Variants in TEX2 observed in about 807,000 individuals in gnomAD.
TEX2 encodes testis-expressed protein 2.
TEX2 carries 53 observed loss-of-function variants against 106.9 expected under a neutral mutation model. The observed-to-expected ratio is 0.50, with a 90% CI of 0.40 to 0.62. The LOEUF is 0.62. Ranked by LOEUF, TEX2 falls within the 20% of genes least tolerant of loss-of-function variation. The pLI, the probability that TEX2 is intolerant of heterozygous loss-of-function variation, is 0.00. For synonymous variants in TEX2, 523 were observed against 534.8 expected, an observed-to-expected ratio of 0.98 and a Z score of 0.30; for missense variants, 1,207 against 1,379.0, an observed-to-expected ratio of 0.88 and a Z score of 1.98.
intron 2 of TEX2, among the ~76,000 whole-genome samples, chr17:64,204,209 C>A (rs2032759404): frequency 6.6e-6 from 1 of 152,176 alleles, no homozygotes; most frequent in Admixed American, 6.5e-5. Flanking sequence ...ATATACTTTA[C>A]TTATAATTTA....
intron 1 of TEX2, among the ~76,000 whole-genome samples, chr17:64,245,983 G>T (rs1555636242): frequency 1.3e-5 from 2 of 152,186 alleles, no homozygotes; most frequent in Non-Finnish European, 2.9e-5. Context: ...AAGAGATCCG[G>T]TTTCTTAAGC....
intron 1 of TEX2, among the ~76,000 whole-genome samples, chr17:64,222,461 T>C (rs1432212152): frequency 6.9e-6 from 1 of 145,358 alleles, no homozygotes; most frequent in Non-Finnish European, 1.5e-5. Flanking sequence ...GAGGTTGCAG[T>C]GAGCTGAGAT....
In TEX2 at chr17:64,195,930, T is replaced by C. The variant is rs1389197815; in HGVS notation, c.1645-835A>G. Among the ~76,000 whole-genome samples, 1 of 152,236 alleles carries C rather than the reference T, an allele frequency of 6.6e-6. No individual in the cohort carries two copies. The highest frequency in any genetic ancestry group is 1.9e-4 in the East Asian group (1 of 5,200). On this transcript the variant is annotated intron_variant, in intron 2 of 11. Coordinates refer to ENST00000584379, the MANE Select transcript of TEX2 (RefSeq NM_001288732.2). The surrounding 1 kb of genome is among the most constrained non-coding windows in gnomAD (Gnocchi z 4.1). ...TTTCAGGTTATGAGTAGCCCAGATCTCACAAAAGAAGTCCTCTGGGGAGTT... is the reference window on the plus strand; with the variant it reads ...TTTCAGGTTATGAGTAGCCCAGATCCCACAAAAGAAGTCCTCTGGGGAGTT...
chr17:64,182,298 T>C, intron 5 of TEX2, among the ~76,000 whole-genome samples: 1 of 152,102 alleles, frequency 6.6e-6, no homozygotes, highest in Non-Finnish European at 1.5e-5. Flanking sequence ...AGACAGGGAA[T>C]GGTGGTTGCC....
At chr17:64,207,730 CT>C (rs544714813) in intron 2 of TEX2, among the ~76,000 whole-genome samples, 14 of 148,064 alleles carry the variant, frequency 9.5e-5, no homozygotes, top group Non-Finnish European at 1.5e-4. Context: ...TAGTATTTGC[CT>C]TTTTTTTTTC....
intron 1 of TEX2, among the ~76,000 whole-genome samples, chr17:64,258,188 A>T (rs1363672154): frequency 1.3e-5 from 2 of 152,216 alleles, no homozygotes; most frequent in African/African-American, 4.8e-5. Context: ...CTGGGATTAC[A>T]GGTGTGAGCC....
chr17:64,228,510 T>C (rs1409677793), intron 1 of TEX2, among the ~76,000 whole-genome samples: 2 of 152,184 alleles, frequency 1.3e-5, no homozygotes, highest in Admixed American at 6.5e-5. Context: ...AGGAGCAACC[T>C]AGATCCCTCG....
rs1242896313 is a variant in TEX2, at chr17:64,148,384, TTGTG to T, written c.*581_*584del. On this transcript the variant is annotated 3_prime_UTR_variant, in exon 12 of 12. Transcript: ENST00000584379. Reference sequence around the variant, plus strand: ...TGTCCTTACCCAAGCTGATAGCGTGTTGTGTGTGTACTATGGCTACTTGCTTCCC... The same window carrying T: ...TGTCCTTACCCAAGCTGATAGCGTGTTGTGTACTATGGCTACTTGCTTCCC... The T allele has an allele frequency of 1.3e-5, 2 of 152,898 alleles. No individual in the cohort carries two copies. The highest frequency in any genetic ancestry group is 2.9e-5 in the Non-Finnish European group (2 of 68,264). 9.5% of individuals were successfully genotyped at this position (152,898 alleles called of 1,614,324 possible).
chr17:64,172,006 G>T (rs1420232004), intron 6 of TEX2, among the ~76,000 whole-genome samples: 1 of 148,850 alleles, frequency 6.7e-6, no homozygotes, highest in Admixed American at 6.7e-5. Flanking sequence ...GAAAAGAAGA[G>T]AAATTGCTAC....
intron 2 of TEX2, among the ~76,000 whole-genome samples, chr17:64,203,778 A>G (rs2032743863): frequency 6.6e-6 from 1 of 152,150 alleles, no homozygotes; most frequent in Admixed American, 6.5e-5. Flanking sequence ...CCATTAGGGG[A>G]GGGAAGCGCC....
intron 5 of TEX2, among the ~76,000 whole-genome samples, chr17:64,182,337 T>A (rs987305759): frequency 2.0e-5 from 3 of 151,730 alleles, no homozygotes; most frequent in Non-Finnish European, 4.4e-5. Flanking sequence ...GACAGGGGAG[T>A]TACTGTTTAA....
At chr17:64,208,386 C>T (rs1188425540) in intron 2 of TEX2, among the ~76,000 whole-genome samples, 41 of 150,830 alleles carry the variant, frequency 2.7e-4, no homozygotes, top group Non-Finnish European at 5.9e-5. Flanking sequence ...CTGCAAGCTG[C>T]GCCACCACAC....
Position 64,178,853 on chromosome 17 carries a change from G to A in TEX2, c.2425-1382C>T, listed in dbSNP as rs563015131. Among the ~76,000 whole-genome samples, 230 of 152,366 alleles carry A rather than the reference G, an allele frequency of 1.5e-3. 1 individual carries two copies. The highest frequency in any genetic ancestry group is 5.3e-3 in the African/African-American group (220 of 41,584). On this transcript the variant is annotated intron_variant, in intron 5 of 11. Transcript: ENST00000584379. ...GTGCCAGTGCTATCCATTCTGAGCA[G>A]CTGTGACTGTGCCCACATTGAAGCT...
intron 1 of TEX2, chr17:64,239,136 T>C (rs1437885139): frequency 6.6e-6 from 1 of 152,188 alleles, no homozygotes; most frequent in African/African-American, 2.4e-5. Context: ...AAATCAAACA[T>C]GTCTAGACAA....
rs1567976022 is a variant in TEX2 at position 64,263,206 on chromosome 17, C to G, written c.-64G>C. On this transcript the variant is annotated 5_prime_UTR_variant, in exon 1 of 12. Transcript: ENST00000584379. ...GCTGCCTCATTGTACTATGCCGGCG[C>G]CCGTGCTCCCGGCCGCGCGACTCCG... 6.6e-6 allele frequency: 1 copy of G among 151,532 alleles called. No homozygotes were observed. The highest frequency in any genetic ancestry group is 1.5e-5 in the Non-Finnish European group (1 of 67,794). 9.4% of individuals were successfully genotyped at this position (151,532 alleles called of 1,614,324 possible). A position where few individuals can be genotyped will look rare whatever the true frequency, so the allele number is the denominator to read the frequency against.
chr17:64,239,339 C>A (rs1555635482), intron 1 of TEX2: 1 of 152,166 alleles, frequency 6.6e-6, no homozygotes, highest in Non-Finnish European at 1.5e-5. Flanking sequence ...CAATTCAATC[C>A]TCTCTGCTTC....
At position 64,194,894 on chromosome 17, in the gene TEX2, C is replaced by T; in HGVS notation, c.1845+1G>A. ...ATCCTTCCAAAATTGCTCAGGCTCACCTTGCTGTCTGAGAGGTCATAGATT... is the reference window on the plus strand; with the variant it reads ...ATCCTTCCAAAATTGCTCAGGCTCATCTTGCTGTCTGAGAGGTCATAGATT... On this transcript the variant is annotated splice_donor_variant, in intron 3 of 11. Transcript: ENST00000584379. LOFTEE classifies it high-confidence loss of function. The T allele has an allele frequency of 6.2e-7, 1 of 1,614,104 alleles. No individual in the cohort carries two copies. The highest frequency in any genetic ancestry group is 8.5e-7 in the Non-Finnish European group (1 of 1,179,944).
intron 11 of TEX2, 91 bp downstream of exon 11, chr17:64,150,750 G>C: frequency 7.1e-7 from 1 of 1,403,724 alleles, no homozygotes; most frequent in Non-Finnish European, 9.6e-7. Flanking sequence ...ATTTTCAAAA[G>C]AGGATCCTGA....
intron 8 of TEX2, among the ~76,000 whole-genome samples, chr17:64,157,439 C>A (rs1263160245): frequency 6.6e-6 from 1 of 152,228 alleles, no homozygotes; most frequent in Non-Finnish European, 1.5e-5. Flanking sequence ...ATAATGACCA[C>A]CACCTCTGAT....
Sources: allele counts gnomAD v4.1 joint callset (sites outside exome capture counted in the v4.1 genomes callset), GRCh38; gene constraint gnomAD v4.1.1; non-coding constraint Gnocchi (gnomAD v3.1); transcripts MANE v1.5; gene names NCBI Gene and HGNC (gene_info 2026-07-23, HGNC 2026-07-21).